The following CNTN1 variants were observed in gnomAD, a reference collection of about 807,000 sequenced individuals.
CNTN1 encodes the protein contactin 1, also known as contactin-1.
Under a neutral mutation model 126.4 loss-of-function variants are expected in CNTN1, and 38 were observed. The observed-to-expected ratio is 0.30, with a 90% CI of 0.23 to 0.39. The LOEUF is 0.39. Ranked by LOEUF, CNTN1 falls within the 10% of genes least tolerant of loss-of-function variation. The pLI, the probability that CNTN1 is intolerant of heterozygous loss-of-function variation, is 1.00. For missense variants in CNTN1, 1,009 were observed against 1,248.4 expected (o/e 0.81, Z 2.89); for synonymous variants, 413 against 422.6 (o/e 0.98, Z 0.28).
chr12:40,792,607 G>GA (rs1341806439), intron 1 of CNTN1, among the ~76,000 whole-genome samples: 6 of 151,932 alleles, frequency 3.9e-5, no homozygotes, highest in African/African-American at 1.2e-4. Context: ...TGGGTTAGTG[G>GA]AAAAAATAAA....
chr12:40,921,693 G>A (rs1038594380), intron 4 of CNTN1, among the ~76,000 whole-genome samples: 6 of 152,074 alleles, frequency 3.9e-5, no homozygotes, highest in African/African-American at 1.4e-4. Context: ...GTATATTTGT[G>A]GCTCGGAATA....
At chr12:40,822,064 C>A (rs1349604256) in intron 1 of CNTN1, among the ~76,000 whole-genome samples, 1 of 151,602 alleles carries the variant, frequency 6.6e-6, no homozygotes, top group East Asian at 1.9e-4. Context: ...TCCTCTGCTC[C>A]CCAGAAGTAA....
At chr12:40,785,255 C>G (rs1009353340) in intron 1 of CNTN1, among the ~76,000 whole-genome samples, 9 of 152,062 alleles carry the variant, frequency 5.9e-5, no homozygotes, top group African/African-American at 2.2e-4. Flanking sequence ...TTTAATTGGC[C>G]CATGGTTCTG....
At chr12:40,824,078 C>T (rs1342160085) in intron 1 of CNTN1, among the ~76,000 whole-genome samples, 2 of 152,088 alleles carry the variant, frequency 1.3e-5, no homozygotes, top group African/African-American at 4.8e-5. Context: ...GGCCATATTA[C>T]TCTCTTGGTG....
chr12:40,858,871 G>T (rs1298382457), intron 1 of CNTN1, among the ~76,000 whole-genome samples: 1 of 152,060 alleles, frequency 6.6e-6, no homozygotes, highest in Non-Finnish European at 1.5e-5. Context: ...GCAAACTAAT[G>T]CAAGAACGGA....
chr12:40,831,384 CA>C (rs1941834971), intron 1 of CNTN1, among the ~76,000 whole-genome samples: 1 of 151,774 alleles, frequency 6.6e-6, no homozygotes, highest in Non-Finnish European at 1.5e-5. Context: ...GAAAATTTCC[CA>C]TAGGGCACTT....
chr12:40,873,055 G>A (rs185179568), intron 1 of CNTN1, among the ~76,000 whole-genome samples: 1 of 152,074 alleles, frequency 6.6e-6, no homozygotes, highest in Non-Finnish European at 1.5e-5. Flanking sequence ...CCATGCTGCT[G>A]TCTACTCTCC....
chr12:41,061,042 G>A (rs776486810), intron 23 of CNTN1, among the ~76,000 whole-genome samples: 1 of 152,120 alleles, frequency 6.6e-6, no homozygotes, highest in African/African-American at 2.4e-5. Context: ...CTTATGAGAG[G>A]CCACACACTC....
intron 23 of CNTN1, among the ~76,000 whole-genome samples, chr12:41,049,749 C>G (rs1949629934): frequency 6.6e-6 from 1 of 152,154 alleles, no homozygotes; most frequent in Non-Finnish European, 1.5e-5. Context: ...AGATCATATT[C>G]ATATTTGTAT....
intron 14 of CNTN1, among the ~76,000 whole-genome samples, chr12:40,946,626 A>G (rs190873991): frequency 6.6e-6 from 1 of 152,256 alleles, no homozygotes; most frequent in African/African-American, 2.4e-5. Context: ...ATGTTCTAAC[A>G]ATTTTCATTG....
rs147867249 is a variant in CNTN1 at position 40,840,808 on chromosome 12, T to C, written c.-76-67549T>C. ...TAAAGACAGAGCATACCAAAACCTA[T>C]AGGGTACAGCAAAAGCAATGCAAAG... On this transcript the variant is annotated intron_variant, in intron 1 of 23. Transcript: ENST00000551295. Among the ~76,000 whole-genome samples the C allele has an allele frequency of 3.2e-3, 483 of 151,252 alleles. 2 individuals are homozygous for C. Among genetic ancestry groups the C allele is most frequent in the African/African-American group, 0.011 (455 of 41,222 alleles).
chr12:41,018,038 C>T (rs280356), intron 19 of CNTN1, among the ~76,000 whole-genome samples: 13,931 of 151,000 alleles, frequency 0.092, 1,048 homozygotes, highest in African/African-American at 0.2. Context: ...TGCCGTGAGC[C>T]GAGATCAGGC....
At chr12:40,796,142 A>T (rs965207712) in intron 1 of CNTN1, among the ~76,000 whole-genome samples, 5 of 152,080 alleles carry the variant, frequency 3.3e-5, no homozygotes, top group Non-Finnish European at 7.4e-5. Context: ...ATAGGTAGCT[A>T]TATTTCTTGT....
At chr12:40,891,928 T>C (rs946260528) in intron 1 of CNTN1, among the ~76,000 whole-genome samples, 3 of 152,128 alleles carry the variant, frequency 2.0e-5, no homozygotes, top group African/African-American at 7.2e-5. Flanking sequence ...CAAAATAACT[T>C]GCTGCAGCTT....
chr12:40,746,836 G>A (rs909195378), intron 1 of CNTN1, among the ~76,000 whole-genome samples: 4 of 152,070 alleles, frequency 2.6e-5, no homozygotes, highest in Admixed American at 6.6e-5. Context: ...GCATGCTTGA[G>A]CCCACTCACC....
At chr12:40,818,982 A>T (rs1445340996) in intron 1 of CNTN1, among the ~76,000 whole-genome samples, 1 of 152,074 alleles carries the variant, frequency 6.6e-6, no homozygotes, top group Non-Finnish European at 1.5e-5. Context: ...TTCAGGCCTT[A>T]TTCATCTGAT....
chr12:40,748,915 T>TA (rs1226651250), intron 1 of CNTN1, among the ~76,000 whole-genome samples: 1 of 152,122 alleles, frequency 6.6e-6, no homozygotes, highest in Non-Finnish European at 1.5e-5. Context: ...ATATATTTTT[T>TA]ATCTATGTTT....
intron 1 of CNTN1, among the ~76,000 whole-genome samples, chr12:40,867,558 C>G (rs1943341148): frequency 6.6e-6 from 1 of 152,110 alleles, no homozygotes; most frequent in Non-Finnish European, 1.5e-5. Flanking sequence ...CTCAGTTGAA[C>G]CATTCCACAG....
chr12:41,060,631 A>AAT (rs1949920736), intron 23 of CNTN1, among the ~76,000 whole-genome samples: 1 of 152,190 alleles, frequency 6.6e-6, no homozygotes, highest in African/African-American at 2.4e-5. Flanking sequence ...CATTCTGTCA[A>AAT]ATAGCTATTT....
Sources: allele counts gnomAD v4.1 joint callset (sites outside exome capture counted in the v4.1 genomes callset), GRCh38; gene constraint gnomAD v4.1.1; transcripts MANE v1.5; gene names NCBI Gene and HGNC (gene_info 2026-07-23, HGNC 2026-07-21).